The following LRMDA variants were observed in gnomAD, a reference collection of about 807,000 sequenced individuals.
The protein encoded by LRMDA is leucine rich melanocyte differentiation associated.
LRMDA carries 18 observed loss-of-function variants against 29.8 expected under a neutral mutation model. The observed-to-expected ratio is 0.60, with a 90% CI of 0.42 to 0.90. The LOEUF is 0.90. Ranked by LOEUF, LRMDA falls within the 40% of genes least tolerant of loss-of-function variation. LRMDA has a pLI of 0.00. For synonymous variants in LRMDA, 125 were observed against 109.4 expected, an observed-to-expected ratio of 1.14 and a Z score of -0.89; for missense variants, 273 against 273.9, an observed-to-expected ratio of 1.00 and a Z score of 0.02.
chr10:75,697,589 G>T (rs767145338), intron 2 of LRMDA, among the ~76,000 whole-genome samples: 2 of 150,342 alleles, frequency 1.3e-5, no homozygotes. Context: ...TTTGGCATTT[G>T]ATTCTTAAGT....
At chr10:76,250,105 C>T (rs1232735876) in intron 5 of LRMDA, among the ~76,000 whole-genome samples, 1 of 152,158 alleles carries the variant, frequency 6.6e-6, no homozygotes, top group African/African-American at 2.4e-5. Context: ...CTCACTGGGC[C>T]ACAAATTTTT....
At chr10:75,527,751 TATATA>T (rs1181024643) in intron 2 of LRMDA, among the ~76,000 whole-genome samples, 1 of 147,564 alleles carries the variant, frequency 6.8e-6, no homozygotes, top group South Asian at 2.1e-4. Flanking sequence ...ATATAAATAA[TATATA>T]ATATATAATT....
chr10:76,149,410 T>G (rs921067380), intron 5 of LRMDA, among the ~76,000 whole-genome samples: 2 of 152,176 alleles, frequency 1.3e-5, no homozygotes, highest in African/African-American at 4.8e-5. Flanking sequence ...AAAACCTCAT[T>G]TTTCAGTGTT....
At chr10:75,451,642 C>T (rs1564774549) in intron 2 of LRMDA, 1 of 152,070 alleles carries the variant, frequency 6.6e-6, no homozygotes, top group Non-Finnish European at 1.5e-5. Flanking sequence ...AAATTCCCCA[C>T]AAGGATTGTT....
chr10:76,530,638 G>A (rs1460468804), intron 6 of LRMDA, among the ~76,000 whole-genome samples: 3 of 152,096 alleles, frequency 2.0e-5, no homozygotes, highest in African/African-American at 7.2e-5. Flanking sequence ...AACGAGAGAG[G>A]CAAGAAATCT....
chr10:76,022,396 C>T (rs911721806), intron 2 of LRMDA, among the ~76,000 whole-genome samples: 4 of 152,240 alleles, frequency 2.6e-5, no homozygotes, highest in Non-Finnish European at 4.4e-5. Flanking sequence ...AACGGCAGCT[C>T]TTTTCTTCCA....
At chr10:76,138,558 T>C (rs532149618) in intron 5 of LRMDA, among the ~76,000 whole-genome samples, 15 of 152,272 alleles carry the variant, frequency 9.9e-5, no homozygotes, top group African/African-American at 3.4e-4. Context: ...CTGCCTCATA[T>C]TGGGACGCAG....
At chr10:75,996,034 T>C (rs1272625857) in intron 2 of LRMDA, among the ~76,000 whole-genome samples, 1 of 152,178 alleles carries the variant, frequency 6.6e-6, no homozygotes, top group African/African-American at 2.4e-5. Flanking sequence ...CACCAACCCA[T>C]GTTTAAGCCC....
At chr10:75,858,411 A>G (rs977069954) in intron 2 of LRMDA, among the ~76,000 whole-genome samples, 7 of 152,118 alleles carry the variant, frequency 4.6e-5, no homozygotes, top group African/African-American at 1.7e-4. Flanking sequence ...TAATTATCAC[A>G]GTACAGCCTA....
chr10:75,445,805 G>A (rs1002182954), intron 2 of LRMDA, among the ~76,000 whole-genome samples: 2 of 152,220 alleles, frequency 1.3e-5, no homozygotes, highest in Non-Finnish European at 2.9e-5. Flanking sequence ...GGCAATAAAA[G>A]CGAGAGGGTT....
At chr10:76,374,489 A>T (rs1470249403) in intron 6 of LRMDA, among the ~76,000 whole-genome samples, 2 of 152,198 alleles carry the variant, frequency 1.3e-5, no homozygotes, top group Admixed American at 1.3e-4. Flanking sequence ...AAAAGTGCAT[A>T]GGGAGACTGA....
At chr10:76,492,586 C>G (rs1196457342) in intron 6 of LRMDA, among the ~76,000 whole-genome samples, 1 of 152,038 alleles carries the variant, frequency 6.6e-6, no homozygotes, top group Non-Finnish European at 1.5e-5. Context: ...AAAACTGGGA[C>G]TCTGTTGGGT....
At chr10:75,468,901 T>C (rs1374837980) in intron 2 of LRMDA, among the ~76,000 whole-genome samples, 1 of 152,078 alleles carries the variant, frequency 6.6e-6, no homozygotes, top group Non-Finnish European at 1.5e-5. Context: ...GTGCTCGCTA[T>C]ACATTCACTT....
At chr10:75,644,624 C>G (rs745992831) in intron 2 of LRMDA, among the ~76,000 whole-genome samples, 2 of 152,068 alleles carry the variant, frequency 1.3e-5, no homozygotes, top group African/African-American at 2.4e-5. Flanking sequence ...GGTTGTGGGT[C>G]CAGGGAAGGA....
intron 5 of LRMDA, among the ~76,000 whole-genome samples, chr10:76,168,737 T>C (rs892983362): frequency 1.3e-5 from 2 of 152,168 alleles, no homozygotes; most frequent in Non-Finnish European, 2.9e-5. Flanking sequence ...AGATGAAAGA[T>C]GTTTTACTAA....
At chr10:75,685,746 G>GT (rs770406840) in intron 2 of LRMDA, among the ~76,000 whole-genome samples, 154 of 152,346 alleles carry the variant, frequency 1.0e-3, no homozygotes, top group Non-Finnish European at 1.5e-3. Context: ...TTCAGAAGAA[G>GT]TCAAGATAGC....
At chr10:75,859,644 C>CACACAT (rs1564588879) in intron 2 of LRMDA, among the ~76,000 whole-genome samples, 2 of 125,054 alleles carry the variant, frequency 1.6e-5, no homozygotes, top group South Asian at 2.5e-4. Context: ...CACACACACA[C>CACACAT]ACATACATCT....
At chr10:75,719,859 T>C (rs1490394099) in intron 2 of LRMDA, among the ~76,000 whole-genome samples, 2 of 152,164 alleles carry the variant, frequency 1.3e-5, no homozygotes, top group African/African-American at 4.8e-5. Flanking sequence ...CTTTATAAGC[T>C]GGATATGGTA....
At chr10:75,920,461 T>C (rs938009523) in intron 2 of LRMDA, among the ~76,000 whole-genome samples, 1 of 152,152 alleles carries the variant, frequency 6.6e-6, no homozygotes, top group Non-Finnish European at 1.5e-5. Flanking sequence ...CAGTCAGCAA[T>C]ATTAGTAGTC....
Sources: gnomAD v4.1 joint callset for allele counts (sites outside exome capture counted in the v4.1 genomes callset) on GRCh38, gnomAD v4.1.1 for gene constraint, MANE v1.5 for transcripts, NCBI Gene and HGNC (gene_info 2026-07-23, HGNC 2026-07-21) for gene names.